The following DYRK1A variants were observed in gnomAD, a reference collection of about 807,000 sequenced individuals.
DYRK1A encodes the protein dual specificity tyrosine phosphorylation regulated kinase 1A, also known as dual specificity tyrosine-phosphorylation-regulated kinase 1A.
A neutral mutation model predicts 79.7 loss-of-function variants in DYRK1A; 9 were observed. The observed-to-expected ratio is 0.11, with a 90% CI of 0.07 to 0.20. DYRK1A has a LOEUF of 0.20. Among genes scored for constraint, DYRK1A ranks in the 10% least tolerant of loss-of-function variants. DYRK1A has a pLI of 1.00. For synonymous variants in DYRK1A, 349 were observed against 329.7 expected (o/e 1.06, Z -0.63); for missense variants, 622 against 956.0 (o/e 0.65, Z 4.61).
At chr21:37,409,844 C>T (rs2050212201) in intron 1 of DYRK1A, among the ~76,000 whole-genome samples, 1 of 152,134 alleles carries the variant, frequency 6.6e-6, no homozygotes, top group Non-Finnish European at 1.5e-5. Context: ...TAACTTCCCC[C>T]CTCATGCAGT....
intron 1 of DYRK1A, among the ~76,000 whole-genome samples, chr21:37,418,312 C>T (rs2050397252): frequency 6.6e-6 from 1 of 152,086 alleles, no homozygotes; most frequent in African/African-American, 2.4e-5. Context: ...GGTGGCCTTT[C>T]ATATGAGTAA....
chr21:37,509,765 T>C (rs1021773469), intron 11 of DYRK1A, among the ~76,000 whole-genome samples: 1 of 152,216 alleles, frequency 6.6e-6, no homozygotes, highest in Admixed American at 6.5e-5. Context: ...ATTTCCAACC[T>C]TTTTTACTAT....
rs36062978 is a variant in DYRK1A, at chr21:37,380,397, A to ATT, written c.-77+12780_-77+12781dup. The stretch of plus-strand genomic sequence containing the variant: ...ATCTCATTGAGTATTTTACAGTTTA[A>ATT]TTTTTTTTTTTTGTATTTCGTTGTT... On this transcript the variant is annotated intron_variant, in intron 1 of 11. Coordinates refer to ENST00000647188, the MANE Select transcript of DYRK1A (RefSeq NM_001347721.2). Among the ~76,000 whole-genome samples, 5 of 146,936 alleles carry ATT rather than the reference A, an allele frequency of 3.4e-5. No individual in the cohort carries two copies. In the East Asian group the frequency reaches 7.8e-4, roughly 23 times the overall value.
chr21:37,366,120 C>T (rs1473681947), upstream of DYRK1A: 1 of 151,834 alleles, frequency 6.6e-6, no homozygotes, highest in Non-Finnish European at 1.5e-5. Context: ...GAACCGGCTC[C>T]ACGCGCGGAC....
chr21:37,430,651 G>T (rs952123015), intron 2 of DYRK1A, among the ~76,000 whole-genome samples: 1 of 152,170 alleles, frequency 6.6e-6, no homozygotes, highest in Admixed American at 6.5e-5. Context: ...GCGAGTGTGA[G>T]CCCTGGCAGG....
intron 1 of DYRK1A, among the ~76,000 whole-genome samples, chr21:37,391,151 A>T (rs925423330): frequency 1.3e-5 from 2 of 152,170 alleles, no homozygotes; most frequent in Non-Finnish European, 2.9e-5. Context: ...TGGAGTGGAG[A>T]ATGGCATTTG....
chr21:37,392,719 A>AT (rs1211833406), intron 1 of DYRK1A, among the ~76,000 whole-genome samples: 1 of 152,230 alleles, frequency 6.6e-6, no homozygotes, highest in Non-Finnish European at 1.5e-5. Context: ...GAACACCAGT[A>AT]TTCAGACTGG....
chr21:37,442,589 CTCT>C (rs1490137838), intron 2 of DYRK1A, among the ~76,000 whole-genome samples: 1 of 151,924 alleles, frequency 6.6e-6, no homozygotes, highest in Non-Finnish European at 1.5e-5. Context: ...TCATCTCCTC[CTCT>C]TCTTTCTTTT....
chr21:37,427,372 C>T (rs1034856320), intron 2 of DYRK1A, among the ~76,000 whole-genome samples: 1 of 152,196 alleles, frequency 6.6e-6, no homozygotes, highest in East Asian at 1.9e-4. Context: ...GATTCTTCCG[C>T]CTTAACCTCC....
rs1162498585 is a variant in DYRK1A at position 37,367,457 on chromosome 21, G to C, written c.-248G>C. 18 of 148,720 alleles carry C rather than the reference G, an allele frequency of 1.2e-4. No individual in the cohort carries two copies. Among genetic ancestry groups the C allele is most frequent in the Admixed American group, 3.3e-4 (5 of 15,004 alleles). 9.2% of individuals were successfully genotyped at this position (148,720 alleles called of 1,614,324 possible). A position where few individuals can be genotyped will look rare whatever the true frequency, so the allele number is the denominator to read the frequency against. ...CGGCCCCGGGCGCCGCTGGAACCGC[G>C]AGCCGAGGAGAGACTGAGCAGGCTG... is the stretch of plus-strand genomic sequence containing the variant. On this transcript the variant is annotated 5_prime_UTR_variant, in exon 1 of 12. Coordinates refer to ENST00000647188, the MANE Select transcript of DYRK1A (RefSeq NM_001347721.2).
chr21:37,387,590 T>A (rs371172792), intron 1 of DYRK1A, among the ~76,000 whole-genome samples: 7 of 152,338 alleles, frequency 4.6e-5, no homozygotes, highest in East Asian at 1.9e-4. Context: ...ATGAAATTCT[T>A]GCTCTCTGGA....
chr21:37,387,418 G>C (rs1362476417), intron 1 of DYRK1A, among the ~76,000 whole-genome samples: 1 of 152,160 alleles, frequency 6.6e-6, no homozygotes, highest in African/African-American at 2.4e-5. Context: ...CTAAGAGTTA[G>C]TAATTGTATT....
chr21:37,511,756 TTG>T (rs1185704984), intron 11 of DYRK1A, among the ~76,000 whole-genome samples, 153 bp from the exon 12 acceptor site: 1 of 152,248 alleles, frequency 6.6e-6, no homozygotes, highest in Non-Finnish European at 1.5e-5. Context: ...ATTTGGGATT[TTG>T]TGTTATAAAA....
intron 2 of DYRK1A, among the ~76,000 whole-genome samples, chr21:37,434,486 G>A (rs1014105297): frequency 2.0e-5 from 3 of 152,152 alleles, no homozygotes; most frequent in Non-Finnish European, 4.4e-5. Flanking sequence ...GAACACTGAT[G>A]TTCTTTAAAA....
Position 37,512,536 on chromosome 21 carries a change from A to C in DYRK1A, c.*5A>C, listed in dbSNP as rs746019339. On this transcript the variant is annotated 3_prime_UTR_variant, in exon 12 of 12. Coordinates refer to ENST00000647188, the MANE Select transcript of DYRK1A (RefSeq NM_001347721.2). The stretch of plus-strand genomic sequence containing the variant: ...AGTCCTGTAGCTAGCTCGTGACTAC[A>C]TTGAAACTTGAGTTTGTTTCTTGTG... The C allele has an allele frequency of 6.2e-7, 1 of 1,603,536 alleles. No homozygotes were observed. The highest frequency in any genetic ancestry group is 1.3e-5 in the African/African-American group (1 of 74,556).
At position 37,491,017 on chromosome 21, in the gene DYRK1A, C is replaced by T. The variant is rs141504388; in HGVS notation, c.924+556C>T. On this transcript the variant is annotated intron_variant, in intron 7 of 11. Coordinates refer to ENST00000647188, the MANE Select transcript of DYRK1A (RefSeq NM_001347721.2). ...CAAAAACTGATGGTTCAAAAAAATG[C>T]AGGTAATTTTGCATTAGTCATGGTA... Among the ~76,000 whole-genome samples the T allele has an allele frequency of 8.8e-3, 1,337 of 152,160 alleles. 7 individuals carry two copies. Among genetic ancestry groups the T allele is most frequent in the Non-Finnish European group, 0.015 (989 of 67,962 alleles).
chr21:37,502,447 T>A (rs1379716393), intron 9 of DYRK1A: 1 of 152,196 alleles, frequency 6.6e-6, no homozygotes, highest in Non-Finnish European at 1.5e-5. Flanking sequence ...AGTGTTCCTT[T>A]TATAATATGC....
At chr21:37,430,130 T>G (rs73408668) in intron 2 of DYRK1A, 314 of 202,208 alleles carry the variant, frequency 1.6e-3, no homozygotes, top group African/African-American at 6.9e-3. Flanking sequence ...TTCTCAAGAT[T>G]TGAAATGAGA....
At chr21:37,477,600 G>C (rs2052446670) in intron 3 of DYRK1A, among the ~76,000 whole-genome samples, 1 of 152,152 alleles carries the variant, frequency 6.6e-6, no homozygotes, top group Admixed American at 6.5e-5. Flanking sequence ...ATCAGGGAAG[G>C]GGACTGTGAG....
Sources: allele counts gnomAD v4.1 joint callset (sites outside exome capture counted in the v4.1 genomes callset), GRCh38; gene constraint gnomAD v4.1.1; transcripts MANE v1.5; gene names NCBI Gene and HGNC (gene_info 2026-07-23, HGNC 2026-07-21).